Variants in NR2F1-AS1 observed in about 807,000 individuals in gnomAD.
The protein encoded by NR2F1-AS1 is NR2F1 antisense RNA 1.
rs1751794501 is a variant in NR2F1-AS1, at chr5:93,534,257, A to T, written n.638+19504T>A. On this transcript the variant is annotated intron_variant and non_coding_transcript_variant, in intron 4 of 5. Transcript: ENST00000660523. ...TAATACTATCATTCCTATTTTACAG[A>T]TGAAAAAAGTAAAGCTAAGAAAGAT... 2.0e-5 allele frequency among the ~76,000 whole-genome samples: 3 copies of T among 152,210 alleles called. No individual in the cohort carries two copies. The South Asian group carries it at 6.2e-4, about 31-fold the overall frequency.
intron 4 of NR2F1-AS1, among the ~76,000 whole-genome samples, chr5:93,428,572 T>G (rs997362194): frequency 6.6e-6 from 1 of 152,196 alleles, no homozygotes; most frequent in African/African-American, 2.4e-5. Flanking sequence ...ATGGATCTGT[T>G]TCCAGTTTTG....
intron 4 of NR2F1-AS1, among the ~76,000 whole-genome samples, chr5:93,477,776 A>G (rs1750516031): frequency 6.6e-6 from 1 of 152,218 alleles, no homozygotes; most frequent in Non-Finnish European, 1.5e-5. Context: ...CTGAGTAGTT[A>G]CCAAAAACTT....
At chr5:93,420,135 A>T (rs1027636297) in intron 4 of NR2F1-AS1, among the ~76,000 whole-genome samples, 1 of 152,192 alleles carries the variant, frequency 6.6e-6, no homozygotes, top group African/African-American at 2.4e-5. Context: ...CGGAGGTTGT[A>T]GTGAGCCGAG....
At chr5:93,420,179 A>G (rs1749059176) in intron 4 of NR2F1-AS1, among the ~76,000 whole-genome samples, 2 of 152,154 alleles carry the variant, frequency 1.3e-5, no homozygotes, top group African/African-American at 4.8e-5. Context: ...GGGCAACAGA[A>G]TGAGACTGTC....
chr5:93,441,614 G>C (rs1392775891), intron 4 of NR2F1-AS1, among the ~76,000 whole-genome samples: 2 of 152,170 alleles, frequency 1.3e-5, no homozygotes, highest in East Asian at 3.8e-4. Context: ...AGTTCTTTTA[G>C]ATATGGAAAA....
At chr5:93,472,624 G>A (rs1750391775) in intron 4 of NR2F1-AS1, among the ~76,000 whole-genome samples, 1 of 151,416 alleles carries the variant, frequency 6.6e-6, no homozygotes, top group African/African-American at 2.4e-5. Context: ...AAAATCTGTG[G>A]GTTGTTTTTG....
At chr5:93,555,073 G>T (rs568648452) in intron 2 of NR2F1-AS1, 1 of 152,286 alleles carries the variant, frequency 6.6e-6, no homozygotes, top group South Asian at 2.1e-4. Context: ...AATGGGTCAT[G>T]CAGCAAGCAT....
intron 4 of NR2F1-AS1, among the ~76,000 whole-genome samples, chr5:93,443,254 C>A (rs906820741): frequency 6.6e-6 from 1 of 152,118 alleles, no homozygotes; most frequent in African/African-American, 2.4e-5. Context: ...CTTCTCTGAG[C>A]TAAAGTATGA....
chr5:93,527,991 C>T (rs1751657630), intron 4 of NR2F1-AS1, among the ~76,000 whole-genome samples: 1 of 152,258 alleles, frequency 6.6e-6, no homozygotes, highest in East Asian at 1.9e-4. Flanking sequence ...GCCAAACTAA[C>T]AAACAGGATC....
chr5:93,445,023 C>T (rs556942240), intron 4 of NR2F1-AS1, among the ~76,000 whole-genome samples: 43 of 152,186 alleles, frequency 2.8e-4, no homozygotes, highest in Non-Finnish European at 5.3e-4. Flanking sequence ...ACAAAACATA[C>T]CAGAATCTCT....
At chr5:93,519,129 T>G (rs1355073661) in intron 4 of NR2F1-AS1, among the ~76,000 whole-genome samples, 1 of 152,090 alleles carries the variant, frequency 6.6e-6, no homozygotes, top group African/African-American at 2.4e-5. Context: ...AGTTATCTTT[T>G]TACTTTGGTT....
chr5:93,514,578 C>T (rs1487273353), intron 4 of NR2F1-AS1, among the ~76,000 whole-genome samples: 2 of 152,036 alleles, frequency 1.3e-5, no homozygotes, highest in Admixed American at 1.3e-4. Context: ...AATTACTTGC[C>T]ATTCAGCAAT....
intron 4 of NR2F1-AS1, among the ~76,000 whole-genome samples, chr5:93,506,737 C>T (rs1751193352): frequency 6.6e-6 from 1 of 152,090 alleles, no homozygotes; most frequent in Non-Finnish European, 1.5e-5. Context: ...AATTAGCTCC[C>T]CCGGGTCCCT....
chr5:93,528,530 C>G (rs546427197), intron 4 of NR2F1-AS1, among the ~76,000 whole-genome samples: 96 of 152,220 alleles, frequency 6.3e-4, no homozygotes, highest in African/African-American at 2.3e-3. Flanking sequence ...ACCATTTGAC[C>G]CAGCCATCCC....
intron 4 of NR2F1-AS1, among the ~76,000 whole-genome samples, chr5:93,444,263 A>G (rs1188263593): frequency 1.3e-5 from 2 of 152,222 alleles, no homozygotes; most frequent in African/African-American, 4.8e-5. Context: ...GGCAAATTGG[A>G]TAAAGAGTTA....
intron 4 of NR2F1-AS1, among the ~76,000 whole-genome samples, chr5:93,529,040 G>C (rs1272699693): frequency 6.6e-6 from 1 of 152,020 alleles, no homozygotes; most frequent in Admixed American, 6.6e-5. Context: ...AGAACTTAAA[G>C]TATAGTTTTA....
At chr5:93,479,979 G>A (rs1207406052) in intron 4 of NR2F1-AS1, among the ~76,000 whole-genome samples, 2 of 151,924 alleles carry the variant, frequency 1.3e-5, no homozygotes, top group Non-Finnish European at 2.9e-5. Flanking sequence ...TACTTACCCA[G>A]TCTTATGAAC....
At chr5:93,532,741 G>A (rs551914044) in intron 4 of NR2F1-AS1, among the ~76,000 whole-genome samples, 5 of 152,306 alleles carry the variant, frequency 3.3e-5, no homozygotes, top group East Asian at 1.9e-4. Context: ...CCTCAGATTC[G>A]TGGTTAAGTG....
chr5:93,418,456 A>G (rs532953630), intron 4 of NR2F1-AS1, among the ~76,000 whole-genome samples: 54 of 152,168 alleles, frequency 3.5e-4, no homozygotes, highest in Non-Finnish European at 6.2e-4. Context: ...GTGTGGTGGC[A>G]TGCGCCTGTA....
Sources: gnomAD v4.1 joint callset for allele counts (sites outside exome capture counted in the v4.1 genomes callset) on GRCh38, gnomAD v4.1.1 for gene constraint, MANE v1.5 for transcripts, NCBI Gene and HGNC (gene_info 2026-07-23, HGNC 2026-07-21) for gene names.